XKR9: variants seen among roughly 807,000 people sequenced by gnomAD.
XKR9 encodes the protein XK related 9.
In XKR9, 32 loss-of-function variants were observed where a neutral mutation model predicts 32.0. That is an observed-to-expected ratio of 1.00 (90% confidence interval 0.76 to 1.34). The LOEUF is 1.34. Among genes scored for constraint, XKR9 ranks in the 40% most tolerant of loss-of-function variants. The pLI is 0.00. For synonymous variants in XKR9, 168 were observed against 143.4 expected (o/e 1.17, Z -1.22); for missense variants, 546 against 429.7 (o/e 1.27, Z -2.39).
intron 2 of XKR9, among the ~76,000 whole-genome samples, chr8:70,748,656 A>C (rs2130178791): frequency 6.6e-6 from 1 of 152,338 alleles, no homozygotes; most frequent in East Asian, 1.9e-4. Context: ...GGAGGCAGAC[A>C]GGTTCCTGGT....
At chr8:70,779,293 G>A (rs1484507993) in intron 2 of XKR9, among the ~76,000 whole-genome samples, 2 of 152,160 alleles carry the variant, frequency 1.3e-5, no homozygotes, top group African/African-American at 2.4e-5. Flanking sequence ...GCATATCAGG[G>A]ATGAAGCCAA....
the XKR9 span, among the ~76,000 whole-genome samples, chr8:71,011,540 G>GC: frequency 6.6e-6 from 1 of 152,196 alleles, no homozygotes; most frequent in South Asian, 2.1e-4. Context: ...GGCATGTTAA[G>GC]CATAAAGTTT....
chr8:70,934,430 C>A, the XKR9 span, among the ~76,000 whole-genome samples: 3 of 151,948 alleles, frequency 2.0e-5, no homozygotes, highest in Non-Finnish European at 4.4e-5. Flanking sequence ...TGCTATGTGA[C>A]AATCCATTTC....
chr8:70,728,891 C>T (rs531635950), intron 4 of XKR9, among the ~76,000 whole-genome samples: 62 of 152,276 alleles, frequency 4.1e-4, no homozygotes, highest in African/African-American at 1.5e-3. Context: ...CCGAGCACAG[C>T]CGTGGGCTTG....
chr8:70,989,904 G>A, the XKR9 span, among the ~76,000 whole-genome samples: 1 of 152,096 alleles, frequency 6.6e-6, no homozygotes, highest in Non-Finnish European at 1.5e-5. Context: ...TCTGCCTACT[G>A]TAGAGATTTC....
At chr8:70,788,664 T>G (rs1169478905) in intron 2 of XKR9, among the ~76,000 whole-genome samples, 1 of 152,136 alleles carries the variant, frequency 6.6e-6, no homozygotes, top group Admixed American at 6.6e-5. Flanking sequence ...GAAGCCATAC[T>G]TCAATTTAGC....
At chr8:70,874,057 A>G in the XKR9 span, among the ~76,000 whole-genome samples, 1,520 of 152,336 alleles carry the variant, frequency 1.0e-2, 23 homozygotes, top group African/African-American at 0.035. Context: ...GCATTTTTTA[A>G]GAGTAAAATA....
chr8:70,859,821 C>T, the XKR9 span, among the ~76,000 whole-genome samples: 1 of 151,928 alleles, frequency 6.6e-6, no homozygotes, highest in African/African-American at 2.4e-5. Context: ...TGATAGCTAC[C>T]AGAGGCTAGG....
At chr8:70,883,619 A>G in the XKR9 span, among the ~76,000 whole-genome samples, 1 of 152,174 alleles carries the variant, frequency 6.6e-6, no homozygotes, top group Admixed American at 6.6e-5. Flanking sequence ...AAAATATCAT[A>G]TAGTTGAAAT....
intron 4 of XKR9, among the ~76,000 whole-genome samples, chr8:70,713,587 G>C (rs535121721): frequency 6.6e-6 from 1 of 152,222 alleles, no homozygotes; most frequent in Admixed American, 6.5e-5. Flanking sequence ...GTAAGTATAT[G>C]GGTGATTCTA....
intron 2 of XKR9, among the ~76,000 whole-genome samples, chr8:70,774,730 T>A (rs1807496843): frequency 6.6e-6 from 1 of 152,172 alleles, no homozygotes; most frequent in Non-Finnish European, 1.5e-5. Context: ...AATGGTCCAT[T>A]ATTGGGCTGT....
the XKR9 span, among the ~76,000 whole-genome samples, chr8:70,976,110 T>G: frequency 2.6e-5 from 4 of 152,254 alleles, no homozygotes; most frequent in Non-Finnish European, 5.9e-5. Context: ...GAGACTTTGC[T>G]GAAGTTGCTT....
At chr8:70,801,530 G>T in the XKR9 span, among the ~76,000 whole-genome samples, 2 of 152,122 alleles carry the variant, frequency 1.3e-5, no homozygotes, top group Non-Finnish European at 2.9e-5. Context: ...CTGAGAGTGT[G>T]TTTGGCACGG....
At chr8:70,930,598 A>G in the XKR9 span, among the ~76,000 whole-genome samples, 6 of 152,358 alleles carry the variant, frequency 3.9e-5, no homozygotes, top group South Asian at 1.2e-3. Flanking sequence ...ATTTCAAGCC[A>G]CTTGGCACTA....
the XKR9 span, among the ~76,000 whole-genome samples, chr8:71,054,586 G>A: frequency 4.6e-5 from 7 of 152,144 alleles, no homozygotes; most frequent in Non-Finnish European, 5.9e-5. Context: ...GTGTATTAAG[G>A]TGCCATTTCC....
chr8:70,833,952 A>G, the XKR9 span, among the ~76,000 whole-genome samples: 2 of 152,322 alleles, frequency 1.3e-5, no homozygotes, highest in South Asian at 2.1e-4. Flanking sequence ...AAAGATTATC[A>G]TGTAATAATT....
the XKR9 span, among the ~76,000 whole-genome samples, chr8:70,896,685 T>G: frequency 6.6e-6 from 1 of 151,992 alleles, no homozygotes; most frequent in African/African-American, 2.4e-5. Context: ...CTTAGATATA[T>G]TTTTTCCTTC....
chr8:70,851,185 G>A, the XKR9 span, among the ~76,000 whole-genome samples: 6 of 152,116 alleles, frequency 3.9e-5, no homozygotes, highest in Admixed American at 6.5e-5. Context: ...ATTCACAATT[G>A]CTACAAAGAG....
At chr8:70,851,400 A>G in the XKR9 span, among the ~76,000 whole-genome samples, 1 of 152,210 alleles carries the variant, frequency 6.6e-6, no homozygotes, top group Non-Finnish European at 1.5e-5. Flanking sequence ...TAAAGCTACC[A>G]TTGACTTTCT....
Sources: gnomAD v4.1 joint callset for allele counts (sites outside exome capture counted in the v4.1 genomes callset) on GRCh38, gnomAD v4.1.1 for gene constraint, MANE v1.5 for transcripts, NCBI Gene and HGNC (gene_info 2026-07-23, HGNC 2026-07-21) for gene names.